The following HMCN1 variants were observed in gnomAD, a reference collection of about 807,000 sequenced individuals.
The protein encoded by HMCN1 is hemicentin 1.
In HMCN1, 321 loss-of-function variants were observed where a neutral mutation model predicts 625.9. That is an observed-to-expected ratio of 0.51 (90% CI 0.47 to 0.56). The LOEUF (loss-of-function observed/expected upper bound fraction) is 0.56, where lower values mean the gene tolerates loss of function less well. Ranked by LOEUF, HMCN1 falls within the 20% of genes least tolerant of loss-of-function variation. HMCN1 has a pLI of 0.00. For missense variants in HMCN1, 6,588 were observed against 6,887.3 expected, an observed-to-expected ratio of 0.96 and a Z score of 1.54; for synonymous variants, 2,425 against 2,417.6, an observed-to-expected ratio of 1.00 and a Z score of -0.09.
chr1:186,046,560 A>C (rs146783750), intron 41 of HMCN1, among the ~76,000 whole-genome samples: 180 of 152,258 alleles, frequency 1.2e-3, no homozygotes, highest in African/African-American at 4.1e-3. Flanking sequence ...TTAACAATTT[A>C]GTTGAAAAAT....
chr1:186,099,842 T>C (rs961141686), intron 68 of HMCN1, among the ~76,000 whole-genome samples: 12 of 152,116 alleles, frequency 7.9e-5, no homozygotes, highest in African/African-American at 2.9e-4. Context: ...ACAAGAACTA[T>C]ATATGGGCAG....
intron 1 of HMCN1, among the ~76,000 whole-genome samples, chr1:185,842,417 G>C (rs1370922769): frequency 6.6e-6 from 1 of 152,038 alleles, no homozygotes; most frequent in African/African-American, 2.4e-5. Context: ...AAAAAAATTA[G>C]CCAGGCATGG....
chr1:185,942,274 A>T lies in HMCN1; in HGVS notation c.1828+8450A>T, dbSNP rs6663975. Among the ~76,000 whole-genome samples, 1,050 of 152,302 alleles carry T rather than the reference A, an allele frequency of 6.9e-3. 7 individuals are homozygous for T. Among genetic ancestry groups the T allele is most frequent in the African/African-American group, 0.024 (1,009 of 41,562 alleles). ...TTCAAGTATGTAAGAAAATTATTAT[A>T]AAAAAGTGATACACTGTGGACATTT... is the stretch of plus-strand genomic sequence containing the variant. On this transcript the variant is annotated intron_variant, in intron 11 of 106. Coordinates refer to ENST00000271588, the MANE Select transcript of HMCN1 (RefSeq NM_031935.3).
chr1:186,088,625 A>T lies in HMCN1; in HGVS notation c.9597A>T (p.Glu3199Asp), dbSNP rs1037267610. 1.4e-5 allele frequency: 23 copies of T among 1,611,814 alleles called. No individual in the cohort carries two copies. The highest frequency in any genetic ancestry group is 2.0e-5 in the Non-Finnish European group (23 of 1,178,708). ...HKRIENSDSL[E>D]VRILSGGSKL... ...CTCTAGAAAATTCTGACTCACTGGA[A>T]GTTCGTATTTTGTCTGGAGGTAGCA... The change falls in exon 63 of 107, where the codon GAA becomes GAT. Residue 3199 changes from glutamate (E) to aspartate (D), a missense_variant. By Grantham distance (45) the Glu-to-Asp change is conservative. Around this residue, in one of 3 missense-constraint regions of HMCN1, gnomAD observed 4,628 missense variants for 4,853.1 expected, o/e 0.95. Coordinates refer to ENST00000271588, the MANE Select transcript of HMCN1 (RefSeq NM_031935.3).
chr1:186,034,607 C>T (rs1015605775), intron 36 of HMCN1, among the ~76,000 whole-genome samples: 3 of 152,074 alleles, frequency 2.0e-5, no homozygotes, highest in African/African-American at 7.2e-5. Flanking sequence ...TATTGTTCTT[C>T]CTTCTGTGTC....
chr1:186,100,136 A>C (rs903798165), intron 68 of HMCN1, among the ~76,000 whole-genome samples: 2 of 152,092 alleles, frequency 1.3e-5, no homozygotes, highest in South Asian at 4.1e-4. Flanking sequence ...AAGAAAATGA[A>C]GGAGAAAAAC....
chr1:186,063,701 G>C (rs1156691953), intron 48 of HMCN1, among the ~76,000 whole-genome samples: 2 of 151,920 alleles, frequency 1.3e-5, no homozygotes, highest in Admixed American at 1.3e-4. Flanking sequence ...TTTGGTGAAA[G>C]AATGACGTTA....
intron 82 of HMCN1, among the ~76,000 whole-genome samples, chr1:186,127,846 T>C (rs928357408): frequency 6.6e-6 from 1 of 152,168 alleles, no homozygotes; most frequent in African/African-American, 2.4e-5. Flanking sequence ...TTCTGAAATC[T>C]TACCACTGTA....
intron 4 of HMCN1, among the ~76,000 whole-genome samples, chr1:185,870,442 C>T (rs563221441): frequency 5.3e-4 from 80 of 152,184 alleles, no homozygotes; most frequent in African/African-American, 1.9e-3. Context: ...TCCTTTTTCC[C>T]ACCTCCGCCA....
intron 97 of HMCN1, among the ~76,000 whole-genome samples, chr1:186,158,594 T>G (rs1373672810): frequency 2.0e-5 from 3 of 152,100 alleles, no homozygotes; most frequent in Non-Finnish European, 4.4e-5. Flanking sequence ...CTTTAATCCA[T>G]CTTGAATTGA....
intron 86 of HMCN1, among the ~76,000 whole-genome samples, chr1:186,133,080 G>A (rs994299939): frequency 2.6e-5 from 4 of 152,106 alleles, no homozygotes; most frequent in Non-Finnish European, 5.9e-5. Context: ...TTGAATACTA[G>A]TTCAACCATT....
intron 2 of HMCN1, among the ~76,000 whole-genome samples, chr1:185,859,848 T>A (rs1423558464): frequency 5.9e-5 from 9 of 151,868 alleles, no homozygotes; most frequent in African/African-American, 2.2e-4. Flanking sequence ...TTTAATTTTT[T>A]ATTTTAGTAG....
At chr1:185,780,743 G>A (rs775005564) in intron 1 of HMCN1, among the ~76,000 whole-genome samples, 30 of 152,244 alleles carry the variant, frequency 2.0e-4, no homozygotes, top group South Asian at 6.2e-4. Flanking sequence ...TGCTGGATTC[G>A]GTTTGCCAGT....
intron 6 of HMCN1, among the ~76,000 whole-genome samples, chr1:185,912,958 A>C (rs1009801731): frequency 6.6e-6 from 1 of 152,192 alleles, no homozygotes; most frequent in African/African-American, 2.4e-5. Context: ...AGCTGCTGTG[A>C]AAATATGTGG....
At chr1:186,027,742 T>A (rs577868471) in intron 36 of HMCN1, among the ~76,000 whole-genome samples, 1 of 152,326 alleles carries the variant, frequency 6.6e-6, no homozygotes, top group East Asian at 1.9e-4. Context: ...TTCATAAATA[T>A]CTGTAAAGTC....
rs922414414 is a variant in HMCN1, at chr1:185,911,872, C to T, written c.900+92C>T. On this transcript the variant is annotated intron_variant, in intron 6 of 106. Transcript: ENST00000271588. ...ACAATGGTTTTTTTAAACATACACT[C>T]TTGCTATCATGGAGAGTGCTTGTAA... 3.2e-6 allele frequency: 3 copies of T among 933,446 alleles called. No homozygotes were observed. The African/African-American group carries it at 4.9e-5, about 15-fold the overall frequency. 57.8% of individuals were successfully genotyped at this position (933,446 alleles called of 1,614,324 possible).
intron 100 of HMCN1, among the ~76,000 whole-genome samples, chr1:186,168,274 C>G (rs776100851): frequency 6.6e-6 from 1 of 150,954 alleles, no homozygotes; most frequent in African/African-American, 2.4e-5. Context: ...AAAAACTGCA[C>G]TAAGAAAAAT....
chr1:186,158,012 C>T (rs1260082942), intron 97 of HMCN1, among the ~76,000 whole-genome samples: 5 of 150,840 alleles, frequency 3.3e-5, no homozygotes, highest in South Asian at 2.1e-4. Flanking sequence ...TGAGGAATCG[C>T]CACACTGACT....
At chr1:186,002,434 T>G (rs900442809) in intron 28 of HMCN1, among the ~76,000 whole-genome samples, 1 of 152,106 alleles carries the variant, frequency 6.6e-6, no homozygotes, top group African/African-American at 2.4e-5. Context: ...TGATACTGCA[T>G]AAAAATTATA....
Sources: allele counts gnomAD v4.1 joint callset (sites outside exome capture counted in the v4.1 genomes callset), GRCh38; gene constraint gnomAD v4.1.1; regional missense constraint gnomAD v4.1.1; transcripts MANE v1.5; gene names NCBI Gene and HGNC (gene_info 2026-07-23, HGNC 2026-07-21).